GANAB: variants seen among roughly 807,000 people sequenced by gnomAD.
GANAB encodes the protein glucosidase II alpha subunit.
GANAB carries 35 observed loss-of-function variants against 129.9 expected under a neutral mutation model. The observed-to-expected ratio is 0.27, with a 90% CI of 0.21 to 0.36. GANAB has a LOEUF of 0.36. Ranked by LOEUF, GANAB falls within the 10% of genes least tolerant of loss-of-function variation. The probability of loss-of-function intolerance (pLI) is 1.00; values close to 1 mark genes in which losing one functional copy is unlikely to be tolerated. For missense variants in GANAB, 939 were observed against 1,221.0 expected (o/e 0.77, Z 3.44); for synonymous variants, 482 against 451.8 (o/e 1.07, Z -0.85).
chr11:62,634,412 G>A, intron 5 of GANAB: 1 of 1,373,552 alleles, frequency 7.3e-7, no homozygotes, highest in East Asian at 2.3e-5. Flanking sequence ...AGGGGAAAAA[G>A]AGGCACAAAA....
chr11:62,646,554 C>G lies in GANAB; in HGVS notation c.38+8G>C. 1 of 1,613,450 alleles carries G rather than the reference C, an allele frequency of 6.2e-7. No individual in the cohort carries two copies. On this transcript the variant is annotated splice_region_variant and intron_variant, in intron 1 of 23. Transcript: ENST00000356638. Reference sequence around the variant, plus strand: ...CCCGGGCGCGCCCCCAGATTCCGGGCTCCTCACCGCCTCCTACGCGCCGCC... The same window carrying G: ...CCCGGGCGCGCCCCCAGATTCCGGGGTCCTCACCGCCTCCTACGCGCCGCC...
At chr11:62,630,555 C>A (rs1234834400) in intron 11 of GANAB, 46 bp downstream of exon 11, 2 of 1,613,244 alleles carry the variant, frequency 1.2e-6, no homozygotes, top group East Asian at 4.5e-5. Flanking sequence ...CTAAACTATG[C>A]TTCAGCCCTA....
Position 62,639,633 on chromosome 11 carries a change from A to G in GANAB, c.137T>C (p.Phe46Ser), listed in dbSNP as rs751003330. 3.1e-6 allele frequency: 5 copies of G among 1,606,238 alleles called. No individual in the cohort carries two copies. In the South Asian group the frequency reaches 4.4e-5, roughly 14 times the overall value. Residue 46 changes from phenylalanine to serine, a missense_variant, in exon 2 of 24, where the codon TTC (phenylalanine) becomes TCC (serine). This residue lies in a region of GANAB where 321 missense variants were observed against 329.1 expected (regional missense o/e 0.98). Coordinates refer to ENST00000356638, the MANE Select transcript of GANAB (RefSeq NM_198334.3). Reference protein sequence around the residue: ...SNFKTCEESSFCKRQRSIRPG... With the variant: ...SNFKTCEESSSCKRQRSIRPG... ...TCCCCCAGAAATATCATACTTGCAGAAAGAACTCTCTTCACAGGTCTTAAA... is the reference window on the plus strand; with the variant it reads ...TCCCCCAGAAATATCATACTTGCAGGAAGAACTCTCTTCACAGGTCTTAAA...
intron 5 of GANAB, chr11:62,634,023 C>T (rs2058884042): frequency 4.8e-6 from 2 of 416,756 alleles, no homozygotes; most frequent in African/African-American, 2.0e-5. Context: ...ACCTCAGGTG[C>T]CCCTCAGCTG....
intron 1 of GANAB, among the ~76,000 whole-genome samples, chr11:62,641,248 G>C (rs1387340505): frequency 6.7e-6 from 1 of 150,218 alleles, no homozygotes; most frequent in Non-Finnish European, 1.5e-5. Flanking sequence ...GGAGGCTGAG[G>C]CATGAGAATC....
In GANAB at chr11:62,627,308, T is replaced by G. The variant is rs143779086; in HGVS notation, c.2226A>C (p.Ile742=). The change falls in exon 18 of 24, where the codon ATA becomes ATC. Residue 742 remains isoleucine (I), a synonymous_variant. Coordinates refer to ENST00000356638, the MANE Select transcript of GANAB (RefSeq NM_198334.3). ...TCTCACCAAGCAAGTACTGATCATC[T>G]ATATTGAAGGTAGTCACATCCTGAG... ...QYPQDVTTFN[I]DDQYLLGDAL... The G allele has an allele frequency of 6.3e-7, 1 of 1,581,134 alleles. No individual in the cohort carries two copies. Among genetic ancestry groups the G allele is most frequent in the African/African-American group, 1.3e-5 (1 of 74,332 alleles).
chr11:62,643,055 G>A (rs1335345508), intron 1 of GANAB, among the ~76,000 whole-genome samples: 3 of 152,054 alleles, frequency 2.0e-5, no homozygotes, highest in Admixed American at 2.0e-4. Flanking sequence ...ATCATCCCAA[G>A]GTTATCACGA....
chr11:62,646,567 C>T lies in GANAB; in HGVS notation c.33G>A (p.Arg11=), dbSNP rs760575516. 2 of 1,613,696 alleles carry T rather than the reference C, an allele frequency of 1.2e-6. No homozygotes were observed. The highest frequency in any genetic ancestry group is 1.7e-6 in the Non-Finnish European group (2 of 1,179,928). Reference sequence around the variant, plus strand: ...CCAGATTCCGGGCTCCTCACCGCCTCCTACGCGCCGCCACTGCCGCTACCG... The same window carrying T: ...CCAGATTCCGGGCTCCTCACCGCCTTCTACGCGCCGCCACTGCCGCTACCG... The part of the protein sequence containing the change: MAAVAAVAAR[R]RRSWASLVLA... The change falls in exon 1 of 24, where the codon AGG becomes AGA. Residue 11 remains arginine (R), a synonymous_variant. Coordinates refer to ENST00000356638, the MANE Select transcript of GANAB (RefSeq NM_198334.3).
rs761550860 is a variant in GANAB at position 62,629,694 on chromosome 11, G to A, written c.1738-10C>T. On this transcript the variant is annotated splice_polypyrimidine_tract_variant and intron_variant, in intron 14 of 23. Transcript: ENST00000356638. ...CAGCAGTCGCCATGTGCTGGGTGAG[G>A]AGAGAAGAGACGGGTAGTGAGGAGC... 5.3e-5 allele frequency: 86 copies of A among 1,610,364 alleles called. No individual in the cohort carries two copies. Among genetic ancestry groups the A allele is most frequent in the Non-Finnish European group, 6.1e-5 (72 of 1,177,176 alleles).
intron 17 of GANAB, among the ~76,000 whole-genome samples, chr11:62,627,778 C>T (rs1356649542): frequency 6.6e-6 from 1 of 152,132 alleles, no homozygotes; most frequent in Non-Finnish European, 1.5e-5. Context: ...GGTTAAGACC[C>T]AGGAGTTTGC....
chr11:62,645,595 C>T (rs989794068), intron 1 of GANAB, among the ~76,000 whole-genome samples: 5 of 151,304 alleles, frequency 3.3e-5, no homozygotes, highest in Admixed American at 2.6e-4. Context: ...CCTATTTGCA[C>T]AGTCTGTAAA....
chr11:62,624,850 G>C lies in GANAB; in HGVS notation c.*965C>G. On this transcript the variant is annotated 3_prime_UTR_variant, in exon 24 of 24. Coordinates refer to ENST00000356638, the MANE Select transcript of GANAB (RefSeq NM_198334.3). ...GTTATTTATGGTTTATCCCTTTATT[G>C]TTTCTCCTTTGATCAAAACGTGTCA... The C allele has an allele frequency of 8.4e-6, 2 of 237,522 alleles. No individual in the cohort carries two copies. The highest frequency in any genetic ancestry group is 1.7e-5 in the Non-Finnish European group (2 of 120,174). 14.7% of individuals were successfully genotyped at this position (237,522 alleles called of 1,614,324 possible).
intron 1 of GANAB, among the ~76,000 whole-genome samples, chr11:62,644,301 T>A (rs1463945761): frequency 6.6e-6 from 1 of 152,098 alleles, no homozygotes; most frequent in African/African-American, 2.4e-5. Context: ...AATACGAGCA[T>A]ACTCTGAGAA....
At position 62,638,978 on chromosome 11, in the gene GANAB, T is replaced by C. The variant is rs1002057128; in HGVS notation, c.380+5A>G. Reference sequence around the variant, plus strand: ...AGAAATGGATGTTTCTCAGGAAAAATTTACCGGGCTATTGGTGGATCAGCC... The same window carrying C: ...AGAAATGGATGTTTCTCAGGAAAAACTTACCGGGCTATTGGTGGATCAGCC... On this transcript the variant is annotated splice_donor_5th_base_variant and intron_variant, in intron 4 of 23. Transcript: ENST00000356638. 8 of 1,611,842 alleles carry C rather than the reference T, an allele frequency of 5.0e-6. No individual in the cohort carries two copies. Among genetic ancestry groups the C allele is most frequent in the Non-Finnish European group, 5.9e-6 (7 of 1,178,770 alleles).
Position 62,631,425 on chromosome 11 carries a change from A to G in GANAB, c.997-242T>C, listed in dbSNP as rs374301305. On this transcript the variant is annotated intron_variant, in intron 9 of 23. Transcript: ENST00000356638. ...TAAGTGCTAACAAAGACTCTCTTTC[A>G]TGTCTTTGTTAGCACTTAATCACCC... 1.1e-4 allele frequency among the ~76,000 whole-genome samples: 17 copies of G among 149,702 alleles called. No individual in the cohort carries two copies. The South Asian group carries it at 3.6e-3, about 32-fold the overall frequency.
chr11:62,642,835 C>G (rs1411552896), intron 1 of GANAB, among the ~76,000 whole-genome samples: 1 of 152,088 alleles, frequency 6.6e-6, no homozygotes, highest in African/African-American at 2.4e-5. Context: ...CCATTGTTTT[C>G]TTGGTGAATA....
At chr11:62,627,507 A>G (rs1408719500) in intron 17 of GANAB, among the ~76,000 whole-genome samples, 154 bp from the exon 18 acceptor site, 1 of 152,138 alleles carries the variant, frequency 6.6e-6, no homozygotes, top group East Asian at 1.9e-4. Context: ...CGAGGCGGGA[A>G]GATCACCTGA....
chr11:62,630,178 G>A lies in GANAB; in HGVS notation c.1593+19C>T. 6.4e-7 allele frequency: 1 copy of A among 1,574,656 alleles called. No homozygotes were observed. Among genetic ancestry groups the A allele is most frequent in the Non-Finnish European group, 8.7e-7 (1 of 1,146,036 alleles). ...GGTGGAACAGACAGACGCAGGTCAT[G>A]GGGAGAGGCCTTCCCTACCTCATAA... On this transcript the variant is annotated intron_variant, in intron 13 of 23. Transcript: ENST00000356638.
intron 1 of GANAB, among the ~76,000 whole-genome samples, chr11:62,645,910 C>CT (rs1195815945): frequency 5.9e-5 from 9 of 151,752 alleles, no homozygotes; most frequent in African/African-American, 9.7e-5. Flanking sequence ...TGTTTCGAAT[C>CT]TTTTTTTTTC....
Sources: allele counts gnomAD v4.1 joint callset (sites outside exome capture counted in the v4.1 genomes callset), GRCh38; gene constraint gnomAD v4.1.1; regional missense constraint gnomAD v4.1.1; transcripts MANE v1.5; gene names NCBI Gene and HGNC (gene_info 2026-07-23, HGNC 2026-07-21).